LZTFL1: variants seen among roughly 807,000 people sequenced by gnomAD.
LZTFL1 encodes leucine zipper transcription factor-like protein 1.
In LZTFL1, 25 loss-of-function variants were observed where a neutral mutation model predicts 45.9. The observed-to-expected ratio is 0.54, with a 90% CI of 0.40 to 0.76. The LOEUF (loss-of-function observed/expected upper bound fraction) is 0.76, where lower values mean the gene tolerates loss of function less well. Among genes scored for constraint, LZTFL1 ranks in the 30% least tolerant of loss-of-function variants. LZTFL1 has a pLI of 0.00. For synonymous variants in LZTFL1, 93 were observed against 117.4 expected (o/e 0.79, Z 1.35); for missense variants, 277 against 331.1 (o/e 0.84, Z 1.27).
intron 2 of LZTFL1, among the ~76,000 whole-genome samples, chr3:45,903,883 C>G (rs2125766423): frequency 6.6e-6 from 1 of 152,308 alleles, no homozygotes; most frequent in East Asian, 1.9e-4. Context: ...AAGAGGAGAC[C>G]CAGATATTTA....
intron 4 of LZTFL1, chr3:45,854,271 A>G: frequency 6.6e-6 from 1 of 152,632 alleles, no homozygotes; most frequent in Non-Finnish European, 1.5e-5. Context: ...ATGACCATCA[A>G]ATCTGCATCT....
At chr3:45,887,868 AC>A (rs1430887614) in intron 2 of LZTFL1, among the ~76,000 whole-genome samples, 2 of 152,214 alleles carry the variant, frequency 1.3e-5, no homozygotes, top group Non-Finnish European at 2.9e-5. Context: ...CGTGTAGGGA[AC>A]AAAAAGCAGA....
At chr3:45,867,598 C>T (rs9871972) in intron 2 of LZTFL1, among the ~76,000 whole-genome samples, 61,184 of 152,012 alleles carry the variant, frequency 0.4, 14,362 homozygotes, top group East Asian at 0.64. Context: ...AATCCCAGCA[C>T]TTTGGGAGGA....
At chr3:45,849,629 T>C (rs1305026820) in intron 4 of LZTFL1, among the ~76,000 whole-genome samples, 3 of 152,188 alleles carry the variant, frequency 2.0e-5, no homozygotes, top group Non-Finnish European at 4.4e-5. Flanking sequence ...TTTATCTGAC[T>C]TCCACCCGGT....
chr3:45,826,279 T>G lies in LZTFL1; in HGVS notation c.*35A>C. 1 of 1,603,828 alleles carries G rather than the reference T, an allele frequency of 6.2e-7. No individual in the cohort carries two copies. Among genetic ancestry groups the G allele is most frequent in the Non-Finnish European group, 8.5e-7 (1 of 1,171,032 alleles). ...GCCTGAGGTGAGACTGCTTGTATGT[T>G]TGCATGTGGTAGCTTCCAGAGGAAA... On this transcript the variant is annotated 3_prime_UTR_variant, in exon 10 of 10. Transcript: ENST00000296135.
intron 2 of LZTFL1, among the ~76,000 whole-genome samples, chr3:45,894,358 A>C (rs1489201552): frequency 6.6e-6 from 1 of 152,104 alleles, no homozygotes; most frequent in Non-Finnish European, 1.5e-5. Context: ...AGTGGGCACC[A>C]CCCAGCCCTC....
At chr3:45,892,154 G>C (rs1039442423) in intron 2 of LZTFL1, among the ~76,000 whole-genome samples, 1 of 152,132 alleles carries the variant, frequency 6.6e-6, no homozygotes, top group Non-Finnish European at 1.5e-5. Flanking sequence ...AGCAGACAGA[G>C]ACAGGAAATA....
intron 2 of LZTFL1, chr3:45,902,895 G>A (rs200933519): frequency 6.0e-6 from 1 of 167,026 alleles, no homozygotes; most frequent in African/African-American, 2.4e-5. Context: ...CTTGCTGGAA[G>A]GCTATTTACT....
In LZTFL1 at chr3:45,824,999, T is replaced by C. The variant is rs1446021912; in HGVS notation, c.*1315A>G. 2.5e-6 allele frequency: 1 copy of C among 397,842 alleles called. No individual in the cohort carries two copies. The allele number at this position is 397,842 out of a possible 1,614,324, so 24.6% of individuals were successfully genotyped here. On this transcript the variant is annotated 3_prime_UTR_variant, in exon 10 of 10. Transcript: ENST00000296135. ...TCTGTGTCCTTTTGCAGGGAAATTA[T>C]CTTACCCTTTAACATTTGTTCCTTC...
chr3:45,870,489 T>C (rs1394923491), intron 2 of LZTFL1, among the ~76,000 whole-genome samples: 5 of 152,222 alleles, frequency 3.3e-5, no homozygotes, highest in Non-Finnish European at 7.4e-5. Context: ...GCGTGTGTGT[T>C]TGTGGTTGAA....
At chr3:45,852,487 G>A (rs909486012) in intron 4 of LZTFL1, among the ~76,000 whole-genome samples, 1 of 152,090 alleles carries the variant, frequency 6.6e-6, no homozygotes, top group Admixed American at 6.5e-5. Context: ...TTCTGTAGCC[G>A]TCAAAAGAAC....
chr3:45,864,204 T>C (rs1362011898), intron 2 of LZTFL1, among the ~76,000 whole-genome samples: 1 of 152,214 alleles, frequency 6.6e-6, no homozygotes, highest in Admixed American at 6.5e-5. Context: ...GTAAAAGTTT[T>C]GTGAAACATT....
chr3:45,848,333 G>A (rs1389415155), intron 4 of LZTFL1, among the ~76,000 whole-genome samples: 1 of 152,118 alleles, frequency 6.6e-6, no homozygotes, highest in African/African-American at 2.4e-5. Flanking sequence ...CTAAATCTAT[G>A]GTACATATCA....
At chr3:45,843,980 TGTGTATGTGTGA>T (rs755543768), upstream of LZTFL1, among the ~76,000 whole-genome samples, 32 of 152,212 alleles carry the variant, frequency 2.1e-4, no homozygotes, top group Non-Finnish European at 4.1e-4. Flanking sequence ...TTTTAAAATG[TGTGTATGTGTGA>T]GTGTATGTGT....
chr3:45,855,056 T>C, exon 4 of LZTFL1: 2 of 1,533,132 alleles, frequency 1.3e-6, no homozygotes, highest in Non-Finnish European at 1.7e-6. Flanking sequence ...TACAACTTGA[T>C]GGATTTTCTC....
intron 2 of LZTFL1, among the ~76,000 whole-genome samples, chr3:45,879,552 G>A (rs1240278671): frequency 6.6e-6 from 1 of 152,230 alleles, no homozygotes; most frequent in Non-Finnish European, 1.5e-5. Flanking sequence ...TTAGGGCAAT[G>A]AAACTATTCT....
intron 2 of LZTFL1, among the ~76,000 whole-genome samples, chr3:45,911,827 G>A (rs1286202325): frequency 6.6e-6 from 1 of 152,234 alleles, no homozygotes; most frequent in Non-Finnish European, 1.5e-5. Context: ...TAGGAATTGG[G>A]CATTTGGTTT....
chr3:45,860,351 A>AATGTGTGTGTGTAT lies in LZTFL1; in HGVS notation c.-214-1349_-214-1336dup, dbSNP rs1210596366. The stretch of plus-strand genomic sequence containing the variant: ...GTATATGCATATAGGCATGTGCAAG[A>AATGTGTGTGTGTAT]ATGTGTGTGTGTATATGTGTGTGTG... On this transcript the variant is annotated intron_variant, in intron 2 of 4. Transcript: ENST00000472635. 2.6e-5 allele frequency among the ~76,000 whole-genome samples: 4 copies of AATGTGTGTGTGTAT among 151,988 alleles called. No homozygotes were observed. In the East Asian group the frequency reaches 7.7e-4, roughly 29 times the overall value.
chr3:45,887,046 A>G (rs1385458721), intron 2 of LZTFL1, among the ~76,000 whole-genome samples: 1 of 152,192 alleles, frequency 6.6e-6, no homozygotes, highest in Non-Finnish European at 1.5e-5. Flanking sequence ...AAAACTGGAA[A>G]CAAGGAAACT....
Sources: allele counts gnomAD v4.1 joint callset (sites outside exome capture counted in the v4.1 genomes callset), GRCh38; gene constraint gnomAD v4.1.1; transcripts MANE v1.5; gene names NCBI Gene and HGNC (gene_info 2026-07-23, HGNC 2026-07-21).